The following FREM1 variants were observed in gnomAD, a reference collection of about 807,000 sequenced individuals.
FREM1 encodes FRAS1-related extracellular matrix protein 1.
In FREM1, 220 loss-of-function variants were observed where a neutral mutation model predicts 210.1. The ratio of observed to expected loss-of-function variants is 1.05; its 90% CI spans 0.94 to 1.17. The LOEUF (loss-of-function observed/expected upper bound fraction) is 1.17, where lower values mean the gene tolerates loss of function less well. Among genes scored for constraint, FREM1 ranks in the 50% most tolerant of loss-of-function variants. The pLI is 0.00. For missense variants in FREM1, 3,454 were observed against 2,675.5 expected, an observed-to-expected ratio of 1.29 and a Z score of -6.42; for synonymous variants, 1,189 against 980.2, an observed-to-expected ratio of 1.21 and a Z score of -3.98.
intron 1 of FREM1, among the ~76,000 whole-genome samples, chr9:14,896,648 CTCTG>C (rs757121639): frequency 1.3e-5 from 2 of 152,034 alleles, no homozygotes; most frequent in Non-Finnish European, 2.9e-5. Flanking sequence ...CTCAGTGCTG[CTCTG>C]TCTATGGAGC....
chr9:14,754,765 C>G (rs1843990975), intron 29 of FREM1, among the ~76,000 whole-genome samples: 1 of 152,032 alleles, frequency 6.6e-6, no homozygotes, highest in Non-Finnish European at 1.5e-5. Context: ...AACCCCGTCT[C>G]TACTAAAAAT....
chr9:14,804,854 C>T, intron 19 of FREM1, 102 bp downstream of exon 19: 1 of 783,028 alleles, frequency 1.3e-6, no homozygotes, highest in Non-Finnish European at 2.1e-6. Flanking sequence ...CACTCCTCAC[C>T]AATGCAATGT....
chr9:14,797,986 G>A (rs547530361), intron 20 of FREM1, among the ~76,000 whole-genome samples: 3 of 151,980 alleles, frequency 2.0e-5, no homozygotes, highest in East Asian at 1.9e-4. Context: ...TCCCTACCTC[G>A]AGCCAATCAT....
intron 26 of FREM1, among the ~76,000 whole-genome samples, chr9:14,770,314 G>C (rs1214144046): frequency 6.6e-6 from 1 of 152,096 alleles, no homozygotes; most frequent in African/African-American, 2.4e-5. Flanking sequence ...TCACAAATAG[G>C]AAATTTGGTC....
At chr9:14,783,294 G>C (rs913807031) in intron 24 of FREM1, among the ~76,000 whole-genome samples, 1 of 152,186 alleles carries the variant, frequency 6.6e-6, no homozygotes, top group Non-Finnish European at 1.5e-5. Context: ...GTAAGATAGA[G>C]GACAGTGATA....
chr9:14,841,538 T>C lies in FREM1; in HGVS notation c.1790A>G (p.Tyr597Cys). 1 of 1,612,214 alleles carries C rather than the reference T, an allele frequency of 6.2e-7. No individual in the cohort carries two copies. Among genetic ancestry groups the C allele is most frequent in the Non-Finnish European group, 8.5e-7 (1 of 1,178,618 alleles). Residue 597 changes from tyrosine to cysteine, a missense_variant, in exon 10 of 37, where the codon TAT (tyrosine) becomes TGT (cysteine). Tyr to Cys is a radical substitution (Grantham distance 194, BLOSUM62 -2). Transcript: ENST00000380880. ...GATTTCTCCACCAAAATGACGATAA[T>C]AAATGATTCCATTAAACAAATCCCT... ...LQRDLFNGII[Y>C]YRHFGGEIFE...
At chr9:14,804,891 G>A (rs1818071029) in intron 19 of FREM1, 65 bp downstream of exon 19, 1 of 1,230,080 alleles carries the variant, frequency 8.1e-7, no homozygotes, top group East Asian at 2.3e-5. Flanking sequence ...CAATGTAAAT[G>A]GACTAATTGA....
chr9:14,794,071 A>G (rs968406011), intron 21 of FREM1, among the ~76,000 whole-genome samples: 2 of 152,224 alleles, frequency 1.3e-5, no homozygotes, highest in African/African-American at 4.8e-5. Context: ...ATTTCTGGTC[A>G]GAATGAAATG....
chr9:14,755,464 T>C (rs546531156), intron 29 of FREM1, among the ~76,000 whole-genome samples: 3 of 152,262 alleles, frequency 2.0e-5, no homozygotes, highest in Admixed American at 1.3e-4. Flanking sequence ...TGTCTGCTTC[T>C]CCAGGCCCAT....
chr9:14,825,547 GTATATA>G (rs372128983), intron 10 of FREM1, among the ~76,000 whole-genome samples: 14 of 75,902 alleles, frequency 1.8e-4, no homozygotes, highest in African/African-American at 6.2e-4. Flanking sequence ...GTGTGTGTGT[GTATATA>G]TATATATATA....
In FREM1 at chr9:14,872,316, C is replaced by T. The variant is rs199730543; in HGVS notation, c.-267-3072G>A. ...TACCCATGAGCATGGAATGTTCTTC[C>T]ATTTCTTTGTATCCTCTTTTATTTC... On this transcript the variant is annotated intron_variant, in intron 1 of 36. Coordinates refer to ENST00000380880, the MANE Select transcript of FREM1 (RefSeq NM_001379081.2). 5.9e-5 allele frequency among the ~76,000 whole-genome samples: 9 copies of T among 152,204 alleles called. No individual in the cohort carries two copies. The East Asian group carries it at 1.7e-3, about 29-fold the overall frequency.
chr9:14,873,895 A>G (rs1833198316), intron 1 of FREM1, among the ~76,000 whole-genome samples: 1 of 152,090 alleles, frequency 6.6e-6, no homozygotes, highest in Non-Finnish European at 1.5e-5. Context: ...TTCAAAGAAC[A>G]TCTTTATTTC....
At chr9:14,803,264 TCTTTCCC>T (rs761558925) in intron 19 of FREM1, among the ~76,000 whole-genome samples, 4,097 of 144,832 alleles carry the variant, frequency 0.028, 83 homozygotes, top group Non-Finnish European at 0.037. Flanking sequence ...TTCCTCTCTT[TCTTTCCC>T]TCCCTCCCTT....
chr9:14,837,184 G>A (rs1217313442), intron 10 of FREM1, among the ~76,000 whole-genome samples: 7 of 152,158 alleles, frequency 4.6e-5, no homozygotes, highest in African/African-American at 1.4e-4. Context: ...AGGCTAGGGT[G>A]GGAGGACCAG....
Position 14,868,774 on chromosome 9 carries a change from TA to T in FREM1, c.203del (p.Ile68LysfsTer37). 6.2e-7 allele frequency: 1 copy of T among 1,612,636 alleles called. No homozygotes were observed. The highest frequency in any genetic ancestry group is 8.5e-7 in the Non-Finnish European group (1 of 1,179,346). On this transcript the variant is annotated frameshift_variant, in exon 2 of 37. Coordinates refer to ENST00000380880, the MANE Select transcript of FREM1 (RefSeq NM_001379081.2). LOFTEE classifies it high-confidence loss of function. ...GAGTGAGTTTCCCAACCCTCTGGGTTATTGGCTCATTCATCACAACTTCCAC... is the reference window on the plus strand; with the variant it reads ...GAGTGAGTTTCCCAACCCTCTGGGTTTTGGCTCATTCATCACAACTTCCAC... ...CKVEVVMNEP[I>X]TQRVGKLTPQ...
chr9:14,768,898 G>T (rs1265361982), intron 27 of FREM1, among the ~76,000 whole-genome samples: 1 of 152,082 alleles, frequency 6.6e-6, no homozygotes, highest in Non-Finnish European at 1.5e-5. Flanking sequence ...CTAAAACAAG[G>T]ATAAGTGAAC....
chr9:14,897,039 C>A (rs1001390627), intron 1 of FREM1, among the ~76,000 whole-genome samples: 2 of 152,014 alleles, frequency 1.3e-5, no homozygotes, highest in African/African-American at 2.4e-5. Context: ...TTTCGATGAC[C>A]TAAGAAATTT....
At chr9:14,896,418 C>A (rs1837727493) in intron 1 of FREM1, among the ~76,000 whole-genome samples, 1 of 151,916 alleles carries the variant, frequency 6.6e-6, no homozygotes, top group Non-Finnish European at 1.5e-5. Context: ...GTGGTGTGCA[C>A]CTGTAATCCC....
At chr9:14,837,969 T>A (rs1824939374) in intron 10 of FREM1, among the ~76,000 whole-genome samples, 1 of 152,164 alleles carries the variant, frequency 6.6e-6, no homozygotes, top group African/African-American at 2.4e-5. Context: ...TCACTAATAA[T>A]AGCCATGGTT....
Sources: gnomAD v4.1 joint callset for allele counts (sites outside exome capture counted in the v4.1 genomes callset) on GRCh38, gnomAD v4.1.1 for gene constraint, MANE v1.5 for transcripts, NCBI Gene and HGNC (gene_info 2026-07-23, HGNC 2026-07-21) for gene names.